MACF1: variants seen among roughly 807,000 people sequenced by gnomAD.
MACF1 encodes the protein microtubule actin crosslinking factor 1, also known as microtubule-actin cross-linking factor 1.
In MACF1, 193 loss-of-function variants were observed where a neutral mutation model predicts 854.8. The ratio of observed to expected loss-of-function variants is 0.23; its 90% CI spans 0.20 to 0.25. The LOEUF is 0.25. MACF1 is among the 10% of genes least tolerant of loss of function. MACF1 has a pLI of 1.00. For synonymous variants in MACF1, 3,185 were observed against 3,226.7 expected (o/e 0.99, Z 0.44); for missense variants, 7,722 against 8,929.1 (o/e 0.86, Z 5.45).
chr1:39,412,431 A>C, intron 58 of MACF1: 1 of 1,614,040 alleles, frequency 6.2e-7, no homozygotes, highest in Non-Finnish European at 8.5e-7. Context: ...GTGAGGCAAA[A>C]GAGCTGGATT....
At chr1:39,162,993 C>T (rs1188921542) in intron 2 of MACF1, among the ~76,000 whole-genome samples, 1 of 152,158 alleles carries the variant, frequency 6.6e-6, no homozygotes, top group Non-Finnish European at 1.5e-5. Context: ...GCCTATGCTG[C>T]ATACTTTTAT....
intron 6 of MACF1, among the ~76,000 whole-genome samples, chr1:39,275,513 C>A (rs1259851277): frequency 6.6e-6 from 1 of 152,058 alleles, no homozygotes; most frequent in Non-Finnish European, 1.5e-5. Flanking sequence ...GCAAGCACAC[C>A]ACCATGCCTA....
At chr1:39,443,229 G>A (rs541338775) in intron 78 of MACF1, among the ~76,000 whole-genome samples, 3 of 152,108 alleles carry the variant, frequency 2.0e-5, no homozygotes, top group Admixed American at 6.5e-5. Flanking sequence ...TCATCTGATC[G>A]TATCAGGCAT....
intron 58 of MACF1, among the ~76,000 whole-genome samples, chr1:39,408,311 T>A (rs2148605995): frequency 6.6e-6 from 1 of 152,296 alleles, no homozygotes; most frequent in South Asian, 2.1e-4. Flanking sequence ...GAAGGTAGAA[T>A]GTGCCTAGAG....
At chr1:39,407,762 T>A (rs1472134267) in intron 58 of MACF1, among the ~76,000 whole-genome samples, 1 of 152,250 alleles carries the variant, frequency 6.6e-6, no homozygotes, top group Non-Finnish European at 1.5e-5. Flanking sequence ...TTGGTTTCAC[T>A]TACTGTTTGT....
chr1:39,113,022 A>G (rs1642450504), intron 2 of MACF1, among the ~76,000 whole-genome samples: 1 of 152,060 alleles, frequency 6.6e-6, no homozygotes, highest in African/African-American at 2.4e-5. Flanking sequence ...ATCTAACCTC[A>G]TGACTCAATT....
At chr1:39,147,114 T>G (rs191238994) in intron 2 of MACF1, among the ~76,000 whole-genome samples, 3 of 146,620 alleles carry the variant, frequency 2.0e-5, no homozygotes, top group South Asian at 2.3e-4. Context: ...CCTCCCTCCT[T>G]CTTTTCTTCT....
intron 3 of MACF1, 36 bp from the exon 4 acceptor site, chr1:39,251,809 TC>T: frequency 8.6e-7 from 1 of 1,167,336 alleles, no homozygotes; most frequent in South Asian, 2.3e-5. Flanking sequence ...AATTTCTTGT[TC>T]CTCTATTGTG....
chr1:39,389,230 G>T (rs912034735), intron 58 of MACF1, among the ~76,000 whole-genome samples: 2 of 151,668 alleles, frequency 1.3e-5, no homozygotes, highest in African/African-American at 2.4e-5. Context: ...TAAGGATATA[G>T]AAAGAAATGT....
intron 2 of MACF1, among the ~76,000 whole-genome samples, chr1:39,102,472 TCAG>T (rs1195919964): frequency 6.6e-6 from 1 of 151,966 alleles, no homozygotes; most frequent in African/African-American, 2.4e-5. Flanking sequence ...CTGGGGAGTT[TCAG>T]CAGAAGCATG....
chr1:39,453,915 T>TG, intron 88 of MACF1, 65 bp downstream of exon 88: 4 of 1,513,638 alleles, frequency 2.6e-6, no homozygotes, highest in Non-Finnish European at 3.6e-6. Context: ...TATAGTATAG[T>TG]ATTTTTCCCC....
chr1:39,453,735 G>T lies in MACF1; in HGVS notation c.20771G>T (p.Arg6924Leu). ...KEFMKKVEEK[R>L]VDVNSAVAMG... is the part of the protein sequence containing the mutation. ...TTCATGAAGAAAGTAGAAGAAAAGC[G>T]AGTGGACGTTAACTCAGCAGTAGCC... The change falls in exon 88 of 101, where the codon CGA (arginine) becomes CTA (leucine). Residue 6924 changes from arginine to leucine, a missense_variant. Physicochemically the swap from Arg to Leu is moderately radical, Grantham distance 102. Around this residue, in one of 15 missense-constraint regions of MACF1, gnomAD observed 729 missense variants for 900.5 expected, o/e 0.81. Coordinates refer to ENST00000564288, the MANE Select transcript of MACF1 (RefSeq NM_001394062.1). 6.2e-7 allele frequency: 1 copy of T among 1,614,120 alleles called. No individual in the cohort carries two copies.
intron 2 of MACF1, among the ~76,000 whole-genome samples, chr1:39,234,685 C>T (rs1215020804): frequency 8.6e-6 from 1 of 116,708 alleles, no homozygotes; most frequent in African/African-American, 3.3e-5. Flanking sequence ...GGCTGTCGGG[C>T]GGAGACGCTC....
intron 2 of MACF1, among the ~76,000 whole-genome samples, chr1:39,190,590 C>T (rs191533353): frequency 5.3e-5 from 8 of 151,744 alleles, no homozygotes; most frequent in Non-Finnish European, 1.0e-4. Context: ...TCTGCCCTCT[C>T]GGCCTCCCAA....
chr1:39,111,555 G>A (rs1476467927), intron 2 of MACF1, among the ~76,000 whole-genome samples: 1 of 151,918 alleles, frequency 6.6e-6, no homozygotes, highest in African/African-American at 2.4e-5. Context: ...CTAATTTTTT[G>A]TATTTTTAGT....
At chr1:39,107,172 G>A (rs1460089707) in intron 2 of MACF1, among the ~76,000 whole-genome samples, 1 of 152,086 alleles carries the variant, frequency 6.6e-6, no homozygotes, top group Non-Finnish European at 1.5e-5. Flanking sequence ...CTTCAAACCA[G>A]CAGAATTAAG....
At chr1:39,413,000 T>C (rs768988546) in intron 58 of MACF1, 44 of 1,583,280 alleles carry the variant, frequency 2.8e-5, no homozygotes, top group Non-Finnish European at 3.7e-5. Flanking sequence ...GTCCCAGCTG[T>C]TACAGTATCT....
At chr1:39,436,210 A>G (rs1643971643) in intron 70 of MACF1, among the ~76,000 whole-genome samples, 1 of 152,232 alleles carries the variant, frequency 6.6e-6, no homozygotes, top group South Asian at 2.1e-4. Flanking sequence ...AAAGAGAAGC[A>G]TAAACCAGCA....
intron 55 of MACF1, among the ~76,000 whole-genome samples, chr1:39,380,906 T>C (rs1349227488): frequency 1.3e-5 from 2 of 151,730 alleles, no homozygotes; most frequent in Non-Finnish European, 2.9e-5. Context: ...AGAGGGACCT[T>C]GTCTCCAAAA....
Sources: gnomAD v4.1 joint callset for allele counts (sites outside exome capture counted in the v4.1 genomes callset) on GRCh38, gnomAD v4.1.1 for gene constraint, gnomAD v4.1.1 regional missense constraint, MANE v1.5 for transcripts, NCBI Gene and HGNC (gene_info 2026-07-23, HGNC 2026-07-21) for gene names.